Variants in STON2 observed in about 807,000 individuals in gnomAD.
STON2 encodes stonin-2.
STON2 carries 29 observed loss-of-function variants against 65.7 expected under a neutral mutation model. That is an observed-to-expected ratio of 0.44 (90% CI 0.33 to 0.60). The LOEUF is 0.60. Ranked by LOEUF, STON2 falls within the 20% of genes least tolerant of loss-of-function variation. STON2 has a pLI of 0.03. For missense variants in STON2, 1,054 were observed against 1,118.1 expected, an observed-to-expected ratio of 0.94 and a Z score of 0.82; for synonymous variants, 404 against 414.2, an observed-to-expected ratio of 0.98 and a Z score of 0.30.
upstream of STON2, among the ~76,000 whole-genome samples, chr14:81,404,204 C>G (rs575425738): frequency 4.4e-4 from 67 of 152,296 alleles, no homozygotes; most frequent in African/African-American, 1.6e-3. Flanking sequence ...ATTCCCCTTT[C>G]TCTTTGATCT....
rs1420893849 is a variant in STON2, at chr14:81,264,119, G to C, written c.*4295C>G. The C allele has an allele frequency of 1.0e-6, 1 of 985,312 alleles. No individual in the cohort carries two copies. The highest frequency in any genetic ancestry group is 1.2e-6 in the Non-Finnish European group (1 of 829,946). The allele number at this position is 985,312 out of a possible 1,614,324, so 61.0% of individuals were successfully genotyped here. A position where few individuals can be genotyped will look rare whatever the true frequency, so the allele number is the denominator to read the frequency against. The stretch of plus-strand genomic sequence containing the variant: ...GGCTCATGGATCTGTTTGACTTGCA[G>C]GAACAAAGCAATCAATCACCGTGAC... On this transcript the variant is annotated 3_prime_UTR_variant, in exon 8 of 8. Coordinates refer to ENST00000614646, the MANE Select transcript of STON2 (RefSeq NM_001394390.1).
chr14:81,359,290 G>A (rs1375275565), intron 4 of STON2, among the ~76,000 whole-genome samples: 3 of 152,088 alleles, frequency 2.0e-5, no homozygotes, highest in African/African-American at 4.8e-5. Context: ...CTCAGCCAAT[G>A]GGTCAAAGAA....
At chr14:81,432,954 G>C (rs1384883103) in intron 1 of STON2, among the ~76,000 whole-genome samples, 1 of 152,132 alleles carries the variant, frequency 6.6e-6, no homozygotes, top group African/African-American at 2.4e-5. Flanking sequence ...GTTTTCAAAG[G>C]GTGGGACCAG....
intron 5 of STON2, among the ~76,000 whole-genome samples, chr14:81,284,965 G>GT (rs1895277941): frequency 1.3e-5 from 2 of 152,182 alleles, no homozygotes; most frequent in Admixed American, 1.3e-4. Flanking sequence ...ACTGAATATT[G>GT]TAAGCCCAGG....
intron 5 of STON2, among the ~76,000 whole-genome samples, chr14:81,296,583 G>T (rs930688463): frequency 6.6e-6 from 1 of 152,150 alleles, no homozygotes; most frequent in East Asian, 1.9e-4. Flanking sequence ...TTTTCTCTTT[G>T]TCTCTTTTTC....
Position 81,263,627 on chromosome 14 carries a change from T to C in STON2, c.*4787A>G. ...CATCAGCTGTTGTTACTGTATTTTA[T>C]GTGTGACCCAAGACAATTCTTCTTC... On this transcript the variant is annotated 3_prime_UTR_variant, in exon 8 of 8. Coordinates refer to ENST00000614646, the MANE Select transcript of STON2 (RefSeq NM_001394390.1). 3.7e-6 allele frequency: 2 copies of C among 542,626 alleles called. No homozygotes were observed. Among genetic ancestry groups the C allele is most frequent in the Non-Finnish European group, 4.7e-6 (2 of 425,740 alleles). The allele number at this position is 542,626 out of a possible 1,614,324, so 33.6% of individuals were successfully genotyped here. A position where few individuals can be genotyped will look rare whatever the true frequency, so the allele number is the denominator to read the frequency against.
chr14:81,261,549 G>A lies in STON2; in HGVS notation c.*6865C>T. 1 of 375,492 alleles carries A rather than the reference G, an allele frequency of 2.7e-6. No individual in the cohort carries two copies. The highest frequency in any genetic ancestry group is 4.1e-5 in the East Asian group (1 of 24,616). The allele number at this position is 375,492 out of a possible 1,614,324, so 23.3% of individuals were successfully genotyped here. On this transcript the variant is annotated 3_prime_UTR_variant, in exon 8 of 8. Coordinates refer to ENST00000614646, the MANE Select transcript of STON2 (RefSeq NM_001394390.1). ...ACTAAGAGACAACGAGGATACAGAG[G>A]GGACTGTCCCTTTTCTCTCATCTGG... is the stretch of plus-strand genomic sequence containing the variant.
intron 3 of STON2, among the ~76,000 whole-genome samples, chr14:81,373,228 A>G (rs1899084692): frequency 1.3e-5 from 2 of 152,172 alleles, no homozygotes; most frequent in Admixed American, 1.3e-4. Context: ...TTTGTTGGTT[A>G]TATCAACAGA....
intron 5 of STON2, among the ~76,000 whole-genome samples, chr14:81,321,611 G>A (rs980417115): frequency 6.6e-6 from 1 of 152,120 alleles, no homozygotes; most frequent in Admixed American, 6.5e-5. Flanking sequence ...AGAAGTAGAT[G>A]CAAAACACAA....
chr14:81,277,125 A>T lies in STON2; in HGVS notation c.2357T>A (p.Met786Lys). The stretch of plus-strand genomic sequence containing the variant: ...CTCACTGGGCACAGGGTAACGGATC[A>T]TCACATTCTCACAGGGAACCTGAGT... ...PLTQVPCENV[M>K]IRYPVPSEWV... The change falls in exon 6 of 8, where the codon ATG (methionine) becomes AAG (lysine). Residue 786 changes from methionine to lysine, a missense_variant. By Grantham distance (95) the Met-to-Lys change is moderately conservative. Coordinates refer to ENST00000614646, the MANE Select transcript of STON2 (RefSeq NM_001394390.1). 1 of 1,614,220 alleles carries T rather than the reference A, an allele frequency of 6.2e-7. No individual in the cohort carries two copies. The highest frequency in any genetic ancestry group is 8.5e-7 in the Non-Finnish European group (1 of 1,180,050).
intron 5 of STON2, among the ~76,000 whole-genome samples, chr14:81,290,292 C>G (rs1190041149): frequency 2.0e-5 from 3 of 152,138 alleles, no homozygotes; most frequent in African/African-American, 7.2e-5. Context: ...TATAATAGTG[C>G]CATTCTACCA....
chr14:81,413,066 A>C lies in STON2; in HGVS notation c.-199+14036T>G, dbSNP rs1442255517. The C allele has an allele frequency of 1.7e-5, 18 of 1,040,632 alleles. 2 individuals are homozygous for C. Among genetic ancestry groups the C allele is most frequent in the African/African-American group, 3.9e-5 (2 of 51,258 alleles). 64.5% of individuals were successfully genotyped at this position (1,040,632 alleles called of 1,614,324 possible). Reference sequence around the variant, plus strand: ...CGCTCCTCAGGCGCTGGAGAAATACAACAAAGAGAGGAACACTGTGGCTCA... The same window carrying C: ...CGCTCCTCAGGCGCTGGAGAAATACCACAAAGAGAGGAACACTGTGGCTCA... On this transcript the variant is annotated intron_variant, in intron 2 of 8. Transcript: ENST00000553821.
At chr14:81,318,765 C>A (rs528260595) in intron 5 of STON2, among the ~76,000 whole-genome samples, 1 of 152,314 alleles carries the variant, frequency 6.6e-6, no homozygotes, top group African/African-American at 2.4e-5. Flanking sequence ...ACACAATACT[C>A]ACTTGAACCT....
intron 5 of STON2, among the ~76,000 whole-genome samples, chr14:81,286,378 A>G (rs139155251): frequency 1.2e-4 from 19 of 152,282 alleles, no homozygotes; most frequent in Middle Eastern, 3.4e-3. Flanking sequence ...ACATTAAGAA[A>G]TCGTCACGGC....
chr14:81,340,749 G>C (rs1331386491), intron 4 of STON2, among the ~76,000 whole-genome samples: 1 of 152,066 alleles, frequency 6.6e-6, no homozygotes, highest in Non-Finnish European at 1.5e-5. Context: ...ACTAACGGTG[G>C]CTTGAATGGA....
chr14:81,307,841 AAT>A (rs2140202968), intron 5 of STON2, among the ~76,000 whole-genome samples: 1 of 152,320 alleles, frequency 6.6e-6, no homozygotes, highest in South Asian at 2.1e-4. Context: ...TAACACAAAA[AAT>A]ATGTGTTAAT....
intron 4 of STON2, among the ~76,000 whole-genome samples, chr14:81,363,123 T>C (rs898701552): frequency 8.5e-5 from 13 of 152,206 alleles, no homozygotes; most frequent in Admixed American, 2.6e-4. Context: ...TTGGGTTGAA[T>C]CCCAACTACC....
intron 4 of STON2, 59 bp downstream of exon 4, chr14:81,370,929 T>A: frequency 6.7e-7 from 1 of 1,501,526 alleles, no homozygotes. Flanking sequence ...GACTTTAAAG[T>A]GGACCTGGGT....
intron 1 of STON2, among the ~76,000 whole-genome samples, chr14:81,429,934 C>CAA (rs371030408): frequency 1.6e-5 from 2 of 128,866 alleles, no homozygotes; most frequent in African/African-American, 5.7e-5. Flanking sequence ...GACTCTGTCT[C>CAA]AAAAAAAAAA....
Sources: gnomAD v4.1 joint callset for allele counts (sites outside exome capture counted in the v4.1 genomes callset) on GRCh38, gnomAD v4.1.1 for gene constraint, MANE v1.5 for transcripts, NCBI Gene and HGNC (gene_info 2026-07-23, HGNC 2026-07-21) for gene names.